VPS13A: variants seen among roughly 807,000 people sequenced by gnomAD.
VPS13A encodes the protein intermembrane lipid transfer protein VPS13A.
Under a neutral mutation model 390.9 loss-of-function variants are expected in VPS13A, and 264 were observed. That is an observed-to-expected ratio of 0.68 (90% CI 0.61 to 0.75). VPS13A has a LOEUF of 0.75. Among genes scored for constraint, VPS13A ranks in the 30% least tolerant of loss-of-function variants. The probability of loss-of-function intolerance (pLI) is 0.00; values close to 1 mark genes in which losing one functional copy is unlikely to be tolerated. For synonymous variants in VPS13A, 1,231 were observed against 1,227.1 expected, an observed-to-expected ratio of 1.00 and a Z score of -0.07; for missense variants, 3,409 against 3,733.9, an observed-to-expected ratio of 0.91 and a Z score of 2.27.
intron 31 of VPS13A, among the ~76,000 whole-genome samples, chr9:77,290,020 G>A (rs1050752687): frequency 2.6e-5 from 4 of 152,128 alleles, no homozygotes; most frequent in Non-Finnish European, 1.5e-5. Flanking sequence ...GACCTCAGGT[G>A]ATTCACCCAC....
At chr9:77,355,431 C>A (rs996408528) in intron 54 of VPS13A, among the ~76,000 whole-genome samples, 1 of 152,192 alleles carries the variant, frequency 6.6e-6, no homozygotes, top group Admixed American at 6.5e-5. Context: ...CTCTCAACTG[C>A]TTACATTGGC....
chr9:77,188,411 C>A (rs1268210785), intron 1 of VPS13A, among the ~76,000 whole-genome samples: 1 of 152,204 alleles, frequency 6.6e-6, no homozygotes, highest in Non-Finnish European at 1.5e-5. Context: ...ATAATGCTCT[C>A]CAGTGGCATC....
At chr9:77,227,301 A>G (rs1781796001) in intron 15 of VPS13A, 90 bp from the exon 16 acceptor site, 1 of 970,448 alleles carries the variant, frequency 1.0e-6, no homozygotes, top group Non-Finnish European at 1.6e-6. Context: ...AAGAAAGTAA[A>G]TTTCACATTC....
chr9:77,217,974 T>C (rs1263654725), intron 10 of VPS13A, among the ~76,000 whole-genome samples: 1 of 152,068 alleles, frequency 6.6e-6, no homozygotes, highest in Non-Finnish European at 1.5e-5. Flanking sequence ...ACATGTGTCA[T>C]TTTTTGTCTT....
chr9:77,207,803 A>C (rs571714613), intron 5 of VPS13A, among the ~76,000 whole-genome samples: 2 of 151,860 alleles, frequency 1.3e-5, no homozygotes, highest in Admixed American at 6.6e-5. Flanking sequence ...CATGTTTGCT[A>C]TTTTTTGTTT....
At chr9:77,341,690 C>CTTTTTTTTT (rs1830821898) in intron 50 of VPS13A, among the ~76,000 whole-genome samples, 7 of 23,560 alleles carry the variant, frequency 3.0e-4, no homozygotes, top group African/African-American at 1.1e-3. Context: ...GGACATCTTT[C>CTTTTTTTTT]CTTTTTTTTT....
In VPS13A at chr9:77,403,336, T is replaced by C. The variant is rs974757993; in HGVS notation, c.9275+15T>C. On this transcript the variant is annotated intron_variant, in intron 69 of 71. Transcript: ENST00000360280. ...ATAACCAGACGGTAACTTGCTTTCT[T>C]TCTCTTACGTAATTTTATAAGGGGT... The C allele has an allele frequency of 6.3e-7, 1 of 1,597,942 alleles. No homozygotes were observed. Among genetic ancestry groups the C allele is most frequent in the Non-Finnish European group, 8.6e-7 (1 of 1,168,614 alleles).
At chr9:77,408,259 A>G (rs989771882) in intron 71 of VPS13A, among the ~76,000 whole-genome samples, 4 of 152,256 alleles carry the variant, frequency 2.6e-5, no homozygotes, top group African/African-American at 7.2e-5. Flanking sequence ...CTGAAGTGCT[A>G]TTCAGAATGT....
intron 68 of VPS13A, among the ~76,000 whole-genome samples, chr9:77,400,091 T>C (rs1180308812): frequency 6.6e-6 from 1 of 152,184 alleles, no homozygotes; most frequent in Admixed American, 6.5e-5. Context: ...GATTCTTATA[T>C]GTATATTTTG....
rs191688053 is a variant in VPS13A, at chr9:77,208,116, C to T, written c.386-1307C>T. Among the ~76,000 whole-genome samples, 6 of 152,196 alleles carry T rather than the reference C, an allele frequency of 3.9e-5. No homozygotes were observed. The East Asian group carries it at 1.2e-3, about 29-fold the overall frequency. On this transcript the variant is annotated intron_variant, in intron 5 of 71. Transcript: ENST00000360280. ...TAGAGAAAGAAAGACAACATTTAATCGAATGACTAAATGAATTTATAAAAG... is the reference window on the plus strand; with the variant it reads ...TAGAGAAAGAAAGACAACATTTAATTGAATGACTAAATGAATTTATAAAAG...
chr9:77,291,154 A>G (rs1266453458), intron 31 of VPS13A, among the ~76,000 whole-genome samples: 2 of 152,244 alleles, frequency 1.3e-5, no homozygotes, highest in Admixed American at 1.3e-4. Flanking sequence ...CTCCTGTCAG[A>G]TCAGTGGGGG....
chr9:77,268,642 T>TA (rs1241831125), intron 23 of VPS13A, among the ~76,000 whole-genome samples: 2 of 152,120 alleles, frequency 1.3e-5, no homozygotes, highest in African/African-American at 4.8e-5. Context: ...CCCAGTCTGT[T>TA]AGAGAGTATG....
intron 33 of VPS13A, 112 bp from the exon 34 acceptor site, chr9:77,302,803 C>A: frequency 5.9e-6 from 7 of 1,182,274 alleles, no homozygotes; most frequent in Non-Finnish European, 7.2e-6. Flanking sequence ...TTATACCCAA[C>A]AAATTATTGA....
At chr9:77,253,771 C>T (rs1391998001) in intron 22 of VPS13A, among the ~76,000 whole-genome samples, 1 of 151,830 alleles carries the variant, frequency 6.6e-6, no homozygotes, top group African/African-American at 2.4e-5. Flanking sequence ...GTTGCCTATG[C>T]TTTTGGTGTC....
At chr9:77,380,456 C>T (rs1833365231) in intron 67 of VPS13A, among the ~76,000 whole-genome samples, 1 of 151,988 alleles carries the variant, frequency 6.6e-6, no homozygotes, top group Admixed American at 6.6e-5. Flanking sequence ...GGACTACATG[C>T]ACATGCCACC....
In VPS13A at chr9:77,335,746, C is replaced by T. The variant is rs142935609; in HGVS notation, c.6096-1509C>T. On this transcript the variant is annotated intron_variant, in intron 46 of 71. Transcript: ENST00000360280. ...GTGGAGAAATAGGAATGCTTTTACACTTTTGGTGGTAGTGTAAATTAGTTC... is the reference window on the plus strand; with the variant it reads ...GTGGAGAAATAGGAATGCTTTTACATTTTTGGTGGTAGTGTAAATTAGTTC... 5.8e-3 allele frequency among the ~76,000 whole-genome samples: 879 copies of T among 152,284 alleles called. 12 individuals carry two copies. The highest frequency in any genetic ancestry group is 0.02 in the African/African-American group (848 of 41,550).
intron 34 of VPS13A, among the ~76,000 whole-genome samples, chr9:77,305,922 C>T (rs550715131): frequency 2.6e-5 from 4 of 152,276 alleles, no homozygotes; most frequent in East Asian, 1.9e-4. Flanking sequence ...TTTGAACTTC[C>T]TCCACTGAGC....
intron 22 of VPS13A, among the ~76,000 whole-genome samples, chr9:77,257,893 A>G (rs1336211776): frequency 6.6e-6 from 1 of 152,234 alleles, no homozygotes; most frequent in Non-Finnish European, 1.5e-5. Context: ...ACCCATTAAC[A>G]AAGAATTGTA....
At chr9:77,214,180 G>T (rs1440874813) in intron 9 of VPS13A, 149 bp from the exon 10 acceptor site, 5 of 661,030 alleles carry the variant, frequency 7.6e-6, no homozygotes, top group Non-Finnish European at 1.4e-5. Context: ...GGAGGCTGAG[G>T]CAGGAGAATC....
Sources: gnomAD v4.1 joint callset for allele counts (sites outside exome capture counted in the v4.1 genomes callset) on GRCh38, gnomAD v4.1.1 for gene constraint, MANE v1.5 for transcripts, NCBI Gene and HGNC (gene_info 2026-07-23, HGNC 2026-07-21) for gene names.